Variants in NTM observed in about 807,000 individuals in gnomAD.
The protein encoded by NTM is IgLON family member 2.
In NTM, 13 loss-of-function variants were observed where a neutral mutation model predicts 42.1. That is an observed-to-expected ratio of 0.31 (90% confidence interval 0.20 to 0.49). The LOEUF (loss-of-function observed/expected upper bound fraction) is 0.49, where lower values mean the gene tolerates loss of function less well. Among genes scored for constraint, NTM ranks in the 20% least tolerant of loss-of-function variants. The probability of loss-of-function intolerance (pLI) is 0.99; values close to 1 mark genes in which losing one functional copy is unlikely to be tolerated. For synonymous variants in NTM, 187 were observed against 179.2 expected (o/e 1.04, Z -0.35); for missense variants, 373 against 452.8 (o/e 0.82, Z 1.60).
chr11:131,755,791 T>G (rs1156586542), intron 1 of NTM, among the ~76,000 whole-genome samples: 1 of 152,228 alleles, frequency 6.6e-6, no homozygotes. Context: ...CAGACCTTGA[T>G]TCTAACTCCA....
chr11:132,085,474 C>T (rs2059588224), intron 2 of NTM, among the ~76,000 whole-genome samples: 1 of 152,208 alleles, frequency 6.6e-6, no homozygotes, highest in African/African-American at 2.4e-5. Flanking sequence ...AACCTTAAAA[C>T]ATTTAGCAAA....
intron 2 of NTM, among the ~76,000 whole-genome samples, chr11:131,927,176 T>C (rs1209019336): frequency 6.6e-6 from 1 of 152,200 alleles, no homozygotes. Flanking sequence ...ATTTTTGCCT[T>C]TTTAAAAAAT....
At chr11:132,034,226 G>C (rs2135697391) in intron 2 of NTM, among the ~76,000 whole-genome samples, 1 of 152,242 alleles carries the variant, frequency 6.6e-6, no homozygotes, top group Non-Finnish European at 1.5e-5. Flanking sequence ...TGTTTCACAG[G>C]CTAGTGCACA....
intron 1 of NTM, among the ~76,000 whole-genome samples, chr11:131,728,829 G>C (rs2079275507): frequency 6.6e-6 from 1 of 152,156 alleles, no homozygotes; most frequent in Non-Finnish European, 1.5e-5. Context: ...CAGGTGACAA[G>C]TCCCTATACT....
At chr11:131,789,346 TAAA>T (rs1168217598) in intron 1 of NTM, among the ~76,000 whole-genome samples, 3 of 105,580 alleles carry the variant, frequency 2.8e-5, no homozygotes, top group Non-Finnish European at 5.2e-5. Flanking sequence ...AAAGTGAATT[TAAA>T]AATAATAATA....
chr11:131,981,245 CAGG>C (rs1231497741), intron 2 of NTM: 2 of 152,190 alleles, frequency 1.3e-5, no homozygotes, highest in Admixed American at 6.5e-5. Flanking sequence ...CAGATGAGGA[CAGG>C]AGGAGAAAGA....
intron 1 of NTM, among the ~76,000 whole-genome samples, chr11:131,525,147 G>A (rs986747292): frequency 2.0e-5 from 3 of 152,058 alleles, no homozygotes; most frequent in East Asian, 1.9e-4. Flanking sequence ...GAAGGGACAT[G>A]GCCCCAGAGA....
chr11:132,027,057 A>C (rs1478790895), intron 2 of NTM, among the ~76,000 whole-genome samples: 2 of 152,220 alleles, frequency 1.3e-5, no homozygotes, highest in Non-Finnish European at 2.9e-5. Flanking sequence ...CATCCTGAGA[A>C]TTATCCCAAT....
At chr11:131,908,987 G>A (rs1399885290) in intron 1 of NTM, among the ~76,000 whole-genome samples, 1 of 152,198 alleles carries the variant, frequency 6.6e-6, no homozygotes, top group Admixed American at 6.5e-5. Context: ...TATATCAAAT[G>A]ATCCCCAGTG....
At chr11:131,653,359 G>A (rs1345237441) in intron 1 of NTM, among the ~76,000 whole-genome samples, 5 of 152,226 alleles carry the variant, frequency 3.3e-5, no homozygotes, top group African/African-American at 1.2e-4. Context: ...GGGGAGGACG[G>A]ACATCAGCCG....
chr11:132,207,625 A>G (rs2082188577), intron 3 of NTM, among the ~76,000 whole-genome samples: 1 of 152,200 alleles, frequency 6.6e-6, no homozygotes, highest in Non-Finnish European at 1.5e-5. Context: ...CCCTGGTGCC[A>G]ACAAGGTTGG....
intron 2 of NTM, among the ~76,000 whole-genome samples, chr11:132,136,490 C>T (rs910983453): frequency 2.0e-5 from 3 of 152,204 alleles, no homozygotes; most frequent in Non-Finnish European, 4.4e-5. Flanking sequence ...CAGAGACTGT[C>T]TCTTTGGTTG....
chr11:131,677,866 T>A (rs2071703897), intron 1 of NTM, among the ~76,000 whole-genome samples: 1 of 152,198 alleles, frequency 6.6e-6, no homozygotes. Flanking sequence ...GGTGGCCCTA[T>A]AACACAGAGC....
intron 1 of NTM, among the ~76,000 whole-genome samples, chr11:131,479,690 G>A (rs1953341232): frequency 6.6e-6 from 1 of 152,128 alleles, no homozygotes; most frequent in Admixed American, 6.5e-5. Context: ...GTAAGAAAGG[G>A]ACGATGAGGA....
At chr11:131,440,186 TA>T (rs753147777) in intron 1 of NTM, among the ~76,000 whole-genome samples, 12 of 152,070 alleles carry the variant, frequency 7.9e-5, no homozygotes, top group South Asian at 2.1e-4. Flanking sequence ...TAATGTTCCT[TA>T]AAAAAATTTA....
At chr11:131,954,643 A>G (rs768203371) in intron 2 of NTM, among the ~76,000 whole-genome samples, 14 of 152,042 alleles carry the variant, frequency 9.2e-5, no homozygotes, top group Non-Finnish European at 1.8e-4. Flanking sequence ...TTTTTTAACG[A>G]AAACATTATG....
chr11:132,196,718 A>G (rs1161014463), intron 3 of NTM, among the ~76,000 whole-genome samples: 2 of 152,184 alleles, frequency 1.3e-5, no homozygotes, highest in Non-Finnish European at 2.9e-5. Flanking sequence ...TGGGAGCTAC[A>G]CATTGAATAC....
chr11:131,550,511 C>T (rs1023905076), intron 1 of NTM, among the ~76,000 whole-genome samples: 1 of 152,140 alleles, frequency 6.6e-6, no homozygotes, highest in Non-Finnish European at 1.5e-5. Context: ...TATGCAGCAC[C>T]TCCTTCTCTC....
chr11:131,473,402 T>C (rs965628764), intron 1 of NTM, among the ~76,000 whole-genome samples: 2 of 152,134 alleles, frequency 1.3e-5, no homozygotes, highest in African/African-American at 2.4e-5. Context: ...TGTGAATCAA[T>C]AGGTGAAGGC....
Sources: gnomAD v4.1 joint callset for allele counts (sites outside exome capture counted in the v4.1 genomes callset) on GRCh38, gnomAD v4.1.1 for gene constraint, MANE v1.5 for transcripts, NCBI Gene and HGNC (gene_info 2026-07-23, HGNC 2026-07-21) for gene names.